The following RGS6 variants were observed in gnomAD, a reference collection of about 807,000 sequenced individuals.
RGS6 encodes the protein regulator of G-protein signaling 6.
A neutral mutation model predicts 78.5 loss-of-function variants in RGS6; 30 were observed. The observed-to-expected ratio is 0.38, with a 90% CI of 0.29 to 0.52. RGS6 has a LOEUF of 0.52. Among genes scored for constraint, RGS6 ranks in the 20% least tolerant of loss-of-function variants. The probability of loss-of-function intolerance (pLI) is 0.85; values close to 1 mark genes in which losing one functional copy is unlikely to be tolerated. For missense variants in RGS6, 495 were observed against 609.7 expected (o/e 0.81, Z 1.98); for synonymous variants, 206 against 206.0 (o/e 1.00, Z 0.00).
intron 3 of RGS6, among the ~76,000 whole-genome samples, chr14:72,400,118 A>T (rs2092181308): frequency 6.6e-6 from 1 of 152,238 alleles, no homozygotes; most frequent in Admixed American, 6.5e-5. Flanking sequence ...GAAGGAAAAA[A>T]TGTTAAGGCA....
the RGS6 span, among the ~76,000 whole-genome samples, chr14:71,902,168 A>G: frequency 2.0e-5 from 3 of 152,158 alleles, no homozygotes; most frequent in African/African-American, 7.2e-5. Flanking sequence ...GGCAGATTAA[A>G]TCCCTTTATT....
In RGS6 at chr14:72,230,976, G is replaced by A. The variant is rs12100659; in HGVS notation, c.85-121119G>A. Among the ~76,000 whole-genome samples the A allele has an allele frequency of 7.0e-3, 1,060 of 152,294 alleles. 12 individuals are homozygous for A. Among genetic ancestry groups the A allele is most frequent in the African/African-American group, 0.024 (980 of 41,558 alleles). On this transcript the variant is annotated intron_variant, in intron 2 of 17. Coordinates refer to ENST00000553525, the MANE Select transcript of RGS6 (RefSeq NM_001204424.2). ...CTGTGAGCCAGTCTGCATGACACTAGATGATCTATTTTTCCTCTTCAGTTC... is the reference window on the plus strand; with the variant it reads ...CTGTGAGCCAGTCTGCATGACACTAAATGATCTATTTTTCCTCTTCAGTTC...
intron 1 of RGS6, among the ~76,000 whole-genome samples, chr14:71,958,098 G>A (rs549077769): frequency 2.4e-4 from 37 of 152,154 alleles, no homozygotes; most frequent in Admixed American, 4.6e-4. Context: ...AGAGAACGTT[G>A]TATTTATTTG....
At chr14:71,995,540 T>A (rs1464974395) in intron 2 of RGS6, among the ~76,000 whole-genome samples, 2 of 152,168 alleles carry the variant, frequency 1.3e-5, no homozygotes, top group African/African-American at 4.8e-5. Flanking sequence ...CATGGGAAGT[T>A]TCCTTGATCT....
At chr14:72,142,909 T>C (rs1314235450) in intron 2 of RGS6, among the ~76,000 whole-genome samples, 1 of 152,152 alleles carries the variant, frequency 6.6e-6, no homozygotes, top group Non-Finnish European at 1.5e-5. Flanking sequence ...GAGTCTCAGA[T>C]GGATATAAAT....
chr14:72,009,609 C>T (rs1204488826), intron 2 of RGS6, among the ~76,000 whole-genome samples: 1 of 152,230 alleles, frequency 6.6e-6, no homozygotes, highest in Non-Finnish European at 1.5e-5. Context: ...TGTGAATCCT[C>T]TTAGCCATCA....
chr14:72,256,383 C>A (rs1485381780), intron 2 of RGS6, among the ~76,000 whole-genome samples: 1 of 152,052 alleles, frequency 6.6e-6, no homozygotes, highest in Non-Finnish European at 1.5e-5. Context: ...TCTCAAAGAC[C>A]AATCTTAGGT....
In RGS6 at chr14:72,294,414, T is replaced by C. The variant is rs1056578717; in HGVS notation, c.85-57681T>C. Reference sequence around the variant, plus strand: ...GGAACCCCAAAGAAGGTGAGTTTATTGGTTAGGGGGCTTGTTGGATATTAT... The same window carrying C: ...GGAACCCCAAAGAAGGTGAGTTTATCGGTTAGGGGGCTTGTTGGATATTAT... On this transcript the variant is annotated intron_variant, in intron 2 of 17. Coordinates refer to ENST00000553525, the MANE Select transcript of RGS6 (RefSeq NM_001204424.2). 5.6e-4 allele frequency among the ~76,000 whole-genome samples: 85 copies of C among 152,144 alleles called. 2 individuals carry two copies. Among genetic ancestry groups the C allele is most frequent in the Non-Finnish European group, 2.1e-4 (14 of 68,032 alleles).
the RGS6 span, among the ~76,000 whole-genome samples, chr14:72,606,789 C>A: frequency 2.0e-5 from 3 of 152,076 alleles, no homozygotes; most frequent in Non-Finnish European, 2.9e-5. Flanking sequence ...GCCCTCCCAG[C>A]GGTAGGTAAT....
the RGS6 span, among the ~76,000 whole-genome samples, chr14:72,587,759 C>T: frequency 1.1e-4 from 16 of 152,272 alleles, no homozygotes; most frequent in East Asian, 1.5e-3. Context: ...ACAGAACTGT[C>T]GGTAAAGTAC....
chr14:72,593,386 TTTTTG>T, the RGS6 span, among the ~76,000 whole-genome samples: 60,588 of 151,570 alleles, frequency 0.4, 13,668 homozygotes, highest in East Asian at 0.76. Context: ...GTTTTTTTGT[TTTTTG>T]TTTTGTTTTT....
intron 17 of RGS6, among the ~76,000 whole-genome samples, chr14:72,558,165 GGTTGAT>G (rs1345446284): frequency 2.0e-5 from 3 of 152,060 alleles, no homozygotes; most frequent in African/African-American, 7.2e-5. Context: ...GGGCAACCGT[GGTTGAT>G]TTCTTTCCCC....
At chr14:72,599,891 G>A in the RGS6 span, among the ~76,000 whole-genome samples, 3,255 of 152,158 alleles carry the variant, frequency 0.021, 113 homozygotes, top group African/African-American at 0.074. Context: ...AACGGCTCTC[G>A]GGAAAATTCT....
the RGS6 span, among the ~76,000 whole-genome samples, chr14:72,590,242 C>A: frequency 6.6e-6 from 1 of 152,194 alleles, no homozygotes; most frequent in Non-Finnish European, 1.5e-5. Flanking sequence ...GTTCTCATAA[C>A]GTGAAACAGC....
intron 2 of RGS6, among the ~76,000 whole-genome samples, chr14:71,965,107 G>C (rs1023643477): frequency 6.6e-6 from 1 of 152,196 alleles, no homozygotes; most frequent in Non-Finnish European, 1.5e-5. Flanking sequence ...TAAACCCAAA[G>C]GTTGCCTAAG....
the RGS6 span, among the ~76,000 whole-genome samples, chr14:71,876,207 T>C: frequency 1.6e-3 from 239 of 152,300 alleles, no homozygotes; most frequent in Middle Eastern, 6.8e-3. Flanking sequence ...CCTTGTTAAC[T>C]TTCTGTCTCA....
At chr14:72,248,368 A>C (rs1307949925) in intron 2 of RGS6, among the ~76,000 whole-genome samples, 1 of 152,210 alleles carries the variant, frequency 6.6e-6, no homozygotes, top group Non-Finnish European at 1.5e-5. Context: ...TTTGTTTGGG[A>C]AAATAGAGTA....
chr14:72,195,185 G>T (rs2039760684), intron 2 of RGS6, among the ~76,000 whole-genome samples: 1 of 151,988 alleles, frequency 6.6e-6, no homozygotes, highest in African/African-American at 2.4e-5. Context: ...TCCGGCCTGG[G>T]CGACAGAGTG....
At chr14:72,280,779 C>CT (rs1567652420) in intron 2 of RGS6, among the ~76,000 whole-genome samples, 1 of 152,212 alleles carries the variant, frequency 6.6e-6, no homozygotes, top group South Asian at 2.1e-4. Context: ...GGTTACTTGT[C>CT]TGAGACCTCT....
Sources: allele counts gnomAD v4.1 joint callset (sites outside exome capture counted in the v4.1 genomes callset), GRCh38; gene constraint gnomAD v4.1.1; transcripts MANE v1.5; gene names NCBI Gene and HGNC (gene_info 2026-07-23, HGNC 2026-07-21).